ADAMTS2: variants seen among roughly 807,000 people sequenced by gnomAD.
The protein encoded by ADAMTS2 is ADAM metallopeptidase with thrombospondin type 1 motif 2, also known as A disintegrin and metalloproteinase with thrombospondin motifs 2.
ADAMTS2 carries 50 observed loss-of-function variants against 123.0 expected under a neutral mutation model. That is an observed-to-expected ratio of 0.41 (90% CI 0.32 to 0.51). The LOEUF is 0.51. ADAMTS2 is among the 20% of genes least tolerant of loss of function. ADAMTS2 has a pLI of 0.35. For missense variants in ADAMTS2, 1,494 were observed against 1,705.2 expected (o/e 0.88, Z 2.18); for synonymous variants, 678 against 695.4 (o/e 0.98, Z 0.39).
Position 179,256,374 on chromosome 5 carries a change from C to T in ADAMTS2, c.688+16537G>A, listed in dbSNP as rs1766052093. ...GAGGCCTCAGCTGAGGCCAAGGCAGCAGGACTCATCCAGAGACAGGACAGA... is the reference window on the plus strand; with the variant it reads ...GAGGCCTCAGCTGAGGCCAAGGCAGTAGGACTCATCCAGAGACAGGACAGA... On this transcript the variant is annotated intron_variant, in intron 3 of 21. Transcript: ENST00000251582. This position sits in a 1 kb window ranked among gnomAD's most constrained non-coding sequence, Gnocchi z 4.1. Among the ~76,000 whole-genome samples, 1 of 152,162 alleles carries T rather than the reference C, an allele frequency of 6.6e-6. No homozygotes were observed. Among genetic ancestry groups the T allele is most frequent in the Non-Finnish European group, 1.5e-5 (1 of 68,038 alleles).
chr5:179,250,236 A>G (rs1175191486), intron 3 of ADAMTS2, among the ~76,000 whole-genome samples: 1 of 152,226 alleles, frequency 6.6e-6, no homozygotes, highest in Non-Finnish European at 1.5e-5. Context: ...AGTACTCATC[A>G]TGGTCAACTG....
intron 2 of ADAMTS2, among the ~76,000 whole-genome samples, chr5:179,336,117 A>T (rs150439162): frequency 2.6e-5 from 4 of 152,328 alleles, no homozygotes; most frequent in African/African-American, 9.6e-5. Context: ...CCCAACACGC[A>T]TCTTTCCATT....
intron 13 of ADAMTS2, among the ~76,000 whole-genome samples, chr5:179,133,517 G>A (rs535605171): frequency 1.3e-5 from 2 of 152,168 alleles, no homozygotes; most frequent in South Asian, 4.2e-4. Context: ...TGATCCACCT[G>A]CCTTGGCCTC....
chr5:179,298,089 C>A (rs577070944), intron 2 of ADAMTS2, among the ~76,000 whole-genome samples: 2 of 152,148 alleles, frequency 1.3e-5, no homozygotes, highest in African/African-American at 4.8e-5. Flanking sequence ...AGGCCAGGGT[C>A]CCCTCGTGCC....
Position 179,242,020 on chromosome 5 carries a change from C to T in ADAMTS2, c.688+30891G>A, listed in dbSNP as rs1206810336. ...ATAGCCCACACCTGGTACTCAATGC[C>T]CTCAGCACAGTGATTGGTCCAGGGG... is the stretch of plus-strand genomic sequence containing the variant. On this transcript the variant is annotated intron_variant, in intron 3 of 21. Coordinates refer to ENST00000251582, the MANE Select transcript of ADAMTS2 (RefSeq NM_014244.5). The surrounding 1 kb of genome is among the most constrained non-coding windows in gnomAD (Gnocchi z 4.2). Among the ~76,000 whole-genome samples, 1 of 152,152 alleles carries T rather than the reference C, an allele frequency of 6.6e-6. No homozygotes were observed. The highest frequency in any genetic ancestry group is 1.5e-5 in the Non-Finnish European group (1 of 68,026).
intron 3 of ADAMTS2, among the ~76,000 whole-genome samples, chr5:179,219,590 G>A (rs887081856): frequency 6.6e-6 from 1 of 152,238 alleles, no homozygotes; most frequent in African/African-American, 2.4e-5. Flanking sequence ...CCGGCTCCCA[G>A]ATACGTGTCC....
rs1581227253 is a variant in ADAMTS2 at position 179,260,402 on chromosome 5, A to T, written c.688+12509T>A. 6.6e-6 allele frequency among the ~76,000 whole-genome samples: 1 copy of T among 152,208 alleles called. No individual in the cohort carries two copies. Among genetic ancestry groups the T allele is most frequent in the East Asian group, 1.9e-4 (1 of 5,204 alleles). ...AGATTCTCCCCGAAGCTAACGTGCT[A>T]AGTGACCTGGAGACACATCCTCACT... On this transcript the variant is annotated intron_variant, in intron 3 of 21. Coordinates refer to ENST00000251582, the MANE Select transcript of ADAMTS2 (RefSeq NM_014244.5). This position sits in a 1 kb window ranked among gnomAD's most constrained non-coding sequence, Gnocchi z 4.2.
chr5:179,248,874 C>T (rs1476779230), intron 3 of ADAMTS2, among the ~76,000 whole-genome samples: 1 of 152,088 alleles, frequency 6.6e-6, no homozygotes, highest in Non-Finnish European at 1.5e-5. Context: ...ATGAACAACA[C>T]TGTAAATCAA....
intron 4 of ADAMTS2, among the ~76,000 whole-genome samples, chr5:179,200,019 C>T (rs1764525074): frequency 6.6e-6 from 1 of 152,008 alleles, no homozygotes; most frequent in African/African-American, 2.4e-5. Context: ...CTTAATAGTC[C>T]CTTTGTATGG....
rs1766215360 is a variant in ADAMTS2 at position 179,261,246 on chromosome 5, T to A, written c.688+11665A>T. 2.0e-5 allele frequency among the ~76,000 whole-genome samples: 3 copies of A among 152,310 alleles called. No individual in the cohort carries two copies. In the South Asian group the frequency reaches 6.2e-4, roughly 32 times the overall value. On this transcript the variant is annotated intron_variant, in intron 3 of 21. Coordinates refer to ENST00000251582, the MANE Select transcript of ADAMTS2 (RefSeq NM_014244.5). ...AGTAATCAAACCCAGGGAAGATCAC[T>A]CATCCTCGCCAGTAACCAAAGAAGC...
intron 3 of ADAMTS2, among the ~76,000 whole-genome samples, chr5:179,236,231 T>C (rs762170325): frequency 6.6e-6 from 1 of 152,120 alleles, no homozygotes; most frequent in Non-Finnish European, 1.5e-5. Context: ...GTCTTGGACT[T>C]TGGGCCCAGA....
intron 3 of ADAMTS2, among the ~76,000 whole-genome samples, chr5:179,270,341 G>A (rs1766497044): frequency 1.3e-5 from 2 of 152,150 alleles, no homozygotes; most frequent in African/African-American, 2.4e-5. Flanking sequence ...CCCAGGGCAG[G>A]TGTGTCACCT....
intron 10 of ADAMTS2, among the ~76,000 whole-genome samples, chr5:179,149,725 A>G (rs896073080): frequency 2.6e-5 from 4 of 152,190 alleles, no homozygotes; most frequent in Admixed American, 1.3e-4. Context: ...ACAGACCCAC[A>G]TTCAGGGATT....
Position 179,285,980 on chromosome 5 carries a change from G to A in ADAMTS2, c.535-12916C>T, listed in dbSNP as rs550679107. Among the ~76,000 whole-genome samples, 6 of 151,954 alleles carry A rather than the reference G, an allele frequency of 3.9e-5. No homozygotes were observed. Among genetic ancestry groups the A allele is most frequent in the Admixed American group, 6.6e-5 (1 of 15,266 alleles). ...TATAATCCTAGCACTTTGGGAGGCC[G>A]AGGCAGGCGGATCACCTGAGGTCAG... is the stretch of plus-strand genomic sequence containing the variant. On this transcript the variant is annotated intron_variant, in intron 2 of 21. Transcript: ENST00000251582. This position sits in a 1 kb window ranked among gnomAD's most constrained non-coding sequence, Gnocchi z 4.9.
rs1765272902 is a variant in ADAMTS2, at chr5:179,225,975, C to T, written c.689-18260G>A. 6.6e-6 allele frequency among the ~76,000 whole-genome samples: 1 copy of T among 152,172 alleles called. No individual in the cohort carries two copies. Among genetic ancestry groups the T allele is most frequent in the South Asian group, 2.1e-4 (1 of 4,820 alleles). ...CACATGCAGCACACGCCCACTGGGG[C>T]TTCAGGGGCTGCAAACATTCACCCC... is the stretch of plus-strand genomic sequence containing the variant. On this transcript the variant is annotated intron_variant, in intron 3 of 21. Coordinates refer to ENST00000251582, the MANE Select transcript of ADAMTS2 (RefSeq NM_014244.5). The surrounding 1 kb of genome is among the most constrained non-coding windows in gnomAD (Gnocchi z 4.5).
intron 11 of ADAMTS2, 55 bp from the exon 12 acceptor site, chr5:179,137,999 C>T: frequency 6.5e-7 from 1 of 1,531,946 alleles, no homozygotes; most frequent in Non-Finnish European, 8.8e-7. Context: ...GAGGCAGCAC[C>T]CGGGTGCCCT....
At chr5:179,255,554 G>T (rs1766026851) in intron 3 of ADAMTS2, among the ~76,000 whole-genome samples, 1 of 152,150 alleles carries the variant, frequency 6.6e-6, no homozygotes, top group African/African-American at 2.4e-5. Flanking sequence ...GCCTCCACCA[G>T]TGAGTTCAGA....
At chr5:179,195,976 C>T (rs1170813913) in intron 4 of ADAMTS2, among the ~76,000 whole-genome samples, 6 of 152,158 alleles carry the variant, frequency 3.9e-5, no homozygotes, top group Admixed American at 2.0e-4. Context: ...TGACTTGGGG[C>T]GACGCCTTCC....
chr5:179,208,582 C>T (rs57326548), intron 3 of ADAMTS2, among the ~76,000 whole-genome samples: 19,648 of 152,176 alleles, frequency 0.13, 1,458 homozygotes, highest in African/African-American at 0.19. Flanking sequence ...GCAGTGCTGT[C>T]TCTGCTGTGT....
Sources: gnomAD v4.1 joint callset for allele counts (sites outside exome capture counted in the v4.1 genomes callset) on GRCh38, gnomAD v4.1.1 for gene constraint, Gnocchi (gnomAD v3.1) non-coding constraint, MANE v1.5 for transcripts, NCBI Gene and HGNC (gene_info 2026-07-23, HGNC 2026-07-21) for gene names.